TLK1: variants seen among roughly 807,000 people sequenced by gnomAD.
TLK1 encodes the protein serine/threonine-protein kinase tousled-like 1.
A neutral mutation model predicts 105.3 loss-of-function variants in TLK1; 24 were observed. The observed-to-expected ratio is 0.23, with a 90% CI of 0.17 to 0.32. The LOEUF (loss-of-function observed/expected upper bound fraction) is 0.32. Ranked by LOEUF, TLK1 falls within the 10% of genes least tolerant of loss-of-function variation. TLK1 has a pLI of 1.00. For missense variants in TLK1, 558 were observed against 910.5 expected (o/e 0.61, Z 4.98); for synonymous variants, 321 against 310.4 (o/e 1.03, Z -0.36).
In TLK1 at chr2:171,050,149, A is replaced by T. The variant is rs989645269; in HGVS notation, c.758T>A (p.Ile253Lys). The T allele has an allele frequency of 1.8e-5, 28 of 1,597,168 alleles. No individual in the cohort carries two copies. Among genetic ancestry groups the T allele is most frequent in the Non-Finnish European group, 2.3e-5 (27 of 1,169,516 alleles). Residue 253 changes from isoleucine (I) to lysine (K), a missense_variant, in exon 9 of 21, where the codon ATA becomes AAA. Around this residue, in one of 5 missense-constraint regions of TLK1, gnomAD observed 196 missense variants for 239.3 expected, o/e 0.82. Transcript: ENST00000431350. ...LRANCDLRRQIDEQQKLLEKY... is the reference protein window; with the variant it reads ...LRANCDLRRQKDEQQKLLEKY... ...TTCAAGTAATTTTTGTTGTTCATCT[A>T]TTTGCCGTCTGAGATCACAGTTAGC...
chr2:171,123,041 A>T (rs1690718784), intron 1 of TLK1, among the ~76,000 whole-genome samples: 1 of 134,680 alleles, frequency 7.4e-6, no homozygotes, highest in Non-Finnish European at 1.5e-5. Flanking sequence ...CCTATATGAA[A>T]AAATAAATAA....
intron 1 of TLK1, among the ~76,000 whole-genome samples, chr2:171,230,699 C>T (rs774240681): frequency 8.6e-5 from 13 of 151,594 alleles, no homozygotes; most frequent in South Asian, 4.2e-4. Flanking sequence ...GGCGTATTGA[C>T]CTGCCCCAAT....
At chr2:171,028,706 G>A (rs1309373568) in intron 11 of TLK1, among the ~76,000 whole-genome samples, 1 of 152,168 alleles carries the variant, frequency 6.6e-6, no homozygotes, top group Non-Finnish European at 1.5e-5. Flanking sequence ...ATGTTTTAAT[G>A]AGTACCATTT....
At chr2:171,067,031 A>G (rs1688029778) in intron 3 of TLK1, 2 of 1,466,634 alleles carry the variant, frequency 1.4e-6, no homozygotes, top group African/African-American at 1.4e-5. Context: ...CTCACAATGG[A>G]GTAACATACT....
At chr2:171,224,049 C>T (rs1297572215) in intron 1 of TLK1, among the ~76,000 whole-genome samples, 1 of 151,934 alleles carries the variant, frequency 6.6e-6, no homozygotes, top group East Asian at 1.9e-4. Context: ...GGAGCATTTC[C>T]CCATTTTTTT....
chr2:171,100,924 G>A (rs1364474672), intron 2 of TLK1, among the ~76,000 whole-genome samples: 1 of 152,142 alleles, frequency 6.6e-6, no homozygotes, highest in Admixed American at 6.5e-5. Flanking sequence ...ACCACCCAAT[G>A]TCCAACAACT....
intron 11 of TLK1, among the ~76,000 whole-genome samples, chr2:171,036,420 T>C (rs1207496512): frequency 6.6e-6 from 1 of 152,060 alleles, no homozygotes. Context: ...TTCTAAAAAG[T>C]TTAAACAGAT....
intron 11 of TLK1, among the ~76,000 whole-genome samples, chr2:171,042,860 T>C (rs188918770): frequency 1.5e-3 from 230 of 152,050 alleles, no homozygotes; most frequent in Admixed American, 2.5e-3. Flanking sequence ...ATTTAGAGAA[T>C]TGAAAAAGTT....
intron 1 of TLK1, among the ~76,000 whole-genome samples, chr2:171,138,071 G>A (rs1219220690): frequency 6.6e-6 from 1 of 152,062 alleles, no homozygotes; most frequent in African/African-American, 2.4e-5. Flanking sequence ...GAGAACTAAT[G>A]ATAAAAAGTT....
At chr2:171,096,822 G>T (rs532535651) in intron 2 of TLK1, among the ~76,000 whole-genome samples, 1 of 151,330 alleles carries the variant, frequency 6.6e-6, no homozygotes, top group African/African-American at 2.4e-5. Context: ...TAAAACTGTC[G>T]AAAGAAATTG....
intron 11 of TLK1, among the ~76,000 whole-genome samples, chr2:171,037,688 T>C (rs866304118): frequency 3.6e-4 from 55 of 152,326 alleles, no homozygotes; most frequent in African/African-American, 1.3e-3. Flanking sequence ...ATAACCAACC[T>C]TGCACATCCA....
intron 12 of TLK1, 77 bp from the exon 13 acceptor site, chr2:171,015,025 A>G (rs1012910481): frequency 1.2e-5 from 13 of 1,092,448 alleles, no homozygotes; most frequent in African/African-American, 6.2e-5. Flanking sequence ...CCATGCATCA[A>G]TGTTTTACAG....
chr2:171,015,577 A>G (rs1685141848), intron 12 of TLK1, among the ~76,000 whole-genome samples: 1 of 152,098 alleles, frequency 6.6e-6, no homozygotes, highest in South Asian at 2.1e-4. Context: ...GAAATTTAAT[A>G]ATCAATATAA....
intron 11 of TLK1, among the ~76,000 whole-genome samples, chr2:171,033,683 A>C (rs1422011544): frequency 1.4e-5 from 2 of 147,966 alleles, no homozygotes; most frequent in African/African-American, 2.5e-5. Context: ...TACCCTGTAC[A>C]TTGGTTGGTG....
At chr2:171,027,441 C>T (rs757205798) in intron 12 of TLK1, among the ~76,000 whole-genome samples, 1 of 152,164 alleles carries the variant, frequency 6.6e-6, no homozygotes, top group Non-Finnish European at 1.5e-5. Context: ...AAACTGATTA[C>T]AATTTCAGAG....
intron 1 of TLK1, among the ~76,000 whole-genome samples, chr2:171,199,452 G>A (rs888450824): frequency 1.3e-5 from 2 of 152,058 alleles, no homozygotes; most frequent in African/African-American, 4.8e-5. Flanking sequence ...GATGGAGGCT[G>A]CAGTGAGCCG....
chr2:171,100,814 C>T (rs923639816), intron 2 of TLK1, among the ~76,000 whole-genome samples: 4 of 152,136 alleles, frequency 2.6e-5, no homozygotes, highest in African/African-American at 9.7e-5. Flanking sequence ...AGTAATTTCA[C>T]TCCTATCTAT....
chr2:171,035,889 T>C (rs1456981432), intron 11 of TLK1, among the ~76,000 whole-genome samples: 1 of 152,146 alleles, frequency 6.6e-6, no homozygotes, highest in Non-Finnish European at 1.5e-5. Flanking sequence ...TGGATTCTCT[T>C]CTAGAGTCTC....
intron 1 of TLK1, among the ~76,000 whole-genome samples, chr2:171,123,266 G>A (rs188205519): frequency 2.6e-5 from 4 of 152,114 alleles, no homozygotes; most frequent in East Asian, 3.9e-4. Flanking sequence ...GCACAATCTC[G>A]GCTCACTACA....
Sources: allele counts gnomAD v4.1 joint callset (sites outside exome capture counted in the v4.1 genomes callset), GRCh38; gene constraint gnomAD v4.1.1; regional missense constraint gnomAD v4.1.1; transcripts MANE v1.5; gene names NCBI Gene and HGNC (gene_info 2026-07-23, HGNC 2026-07-21).